The following SULF1 variants were observed in gnomAD, a reference collection of about 807,000 sequenced individuals.
SULF1 encodes the protein sulfatase 1, also known as extracellular sulfatase Sulf-1.
In SULF1, 46 loss-of-function variants were observed where a neutral mutation model predicts 110.5. That is an observed-to-expected ratio of 0.42 (90% confidence interval 0.33 to 0.53). The LOEUF (loss-of-function observed/expected upper bound fraction) is 0.53, where lower values mean the gene tolerates loss of function less well. SULF1 is among the 20% of genes least tolerant of loss of function. The probability of loss-of-function intolerance (pLI) is 0.12; values close to 1 mark genes in which losing one functional copy is unlikely to be tolerated. For synonymous variants in SULF1, 371 were observed against 387.1 expected, an observed-to-expected ratio of 0.96 and a Z score of 0.49; for missense variants, 941 against 1,094.2, an observed-to-expected ratio of 0.86 and a Z score of 1.98.
chr8:69,597,182 C>T (rs1807407091), intron 8 of SULF1: 1 of 152,196 alleles, frequency 6.6e-6, no homozygotes, highest in Non-Finnish European at 1.5e-5. Flanking sequence ...CTTTAATTAT[C>T]ACTGGGGAAC....
intron 18 of SULF1, among the ~76,000 whole-genome samples, chr8:69,628,556 CAG>C (rs1255745520): frequency 6.6e-6 from 1 of 152,190 alleles, no homozygotes; most frequent in Non-Finnish European, 1.5e-5. Context: ...TTGAGGGTTA[CAG>C]ACTCTCTCGA....
At chr8:69,529,096 A>G (rs1214238756) in intron 3 of SULF1, among the ~76,000 whole-genome samples, 1 of 152,168 alleles carries the variant, frequency 6.6e-6, no homozygotes, top group Admixed American at 6.5e-5. Flanking sequence ...CTCCAGCTTT[A>G]CTAATAAGGA....
At chr8:69,501,614 G>T (rs1810803091) in intron 2 of SULF1, among the ~76,000 whole-genome samples, 1 of 152,190 alleles carries the variant, frequency 6.6e-6, no homozygotes, top group South Asian at 2.1e-4. Flanking sequence ...GTCAAAGAAT[G>T]ATATGAAATG....
chr8:69,550,968 A>G (rs554843715), intron 3 of SULF1, among the ~76,000 whole-genome samples: 2 of 152,126 alleles, frequency 1.3e-5, no homozygotes, highest in Admixed American at 6.5e-5. Context: ...ACCTAATGTC[A>G]TGGTGTCTTT....
intron 3 of SULF1, among the ~76,000 whole-genome samples, chr8:69,507,625 C>G (rs1811287794): frequency 6.6e-6 from 1 of 152,106 alleles, no homozygotes; most frequent in Non-Finnish European, 1.5e-5. Flanking sequence ...AAGCCATTGG[C>G]TGAGGCCTTT....
intron 22 of SULF1, among the ~76,000 whole-genome samples, chr8:69,645,640 C>T (rs1049796891): frequency 1.6e-4 from 25 of 152,120 alleles, no homozygotes; most frequent in East Asian, 3.9e-4. Context: ...GCATTTATGC[C>T]GCATCCTGAA....
chr8:69,565,597 G>A (rs1815821805), intron 5 of SULF1, among the ~76,000 whole-genome samples: 1 of 151,994 alleles, frequency 6.6e-6, no homozygotes, highest in Non-Finnish European at 1.5e-5. Flanking sequence ...TCCCTCACCG[G>A]TTTGTCACCT....
intron 13 of SULF1, among the ~76,000 whole-genome samples, chr8:69,619,101 C>T (rs994091048): frequency 6.6e-6 from 1 of 151,924 alleles, no homozygotes; most frequent in African/African-American, 2.4e-5. Context: ...TGAAAATATA[C>T]GTGGCACAAA....
rs555573346 is a variant in SULF1, at chr8:69,659,582, T to G, written c.*1047T>G. 20 of 239,300 alleles carry G rather than the reference T, an allele frequency of 8.4e-5. No homozygotes were observed. The highest frequency in any genetic ancestry group is 1.6e-4 in the Non-Finnish European group (19 of 120,698). The allele number at this position is 239,300 out of a possible 1,614,324, so 14.8% of individuals were successfully genotyped here. ...TTTTGCTTGTTTGTTTGTTTTGTAC[T>G]AAAACAGTATTATCTTTTGAATATC... is the stretch of plus-strand genomic sequence containing the variant. On this transcript the variant is annotated 3_prime_UTR_variant, in exon 23 of 23. Coordinates refer to ENST00000402687, the MANE Select transcript of SULF1 (RefSeq NM_001128205.2).
chr8:69,583,465 T>C (rs1806227898), intron 6 of SULF1, among the ~76,000 whole-genome samples: 1 of 151,204 alleles, frequency 6.6e-6, no homozygotes, highest in African/African-American at 2.4e-5. Context: ...TCCCAGCTAC[T>C]TGGGAGTCTG....
intron 14 of SULF1, among the ~76,000 whole-genome samples, chr8:69,622,616 C>T (rs1809704399): frequency 6.6e-6 from 1 of 151,960 alleles, no homozygotes; most frequent in South Asian, 2.1e-4. Context: ...GGGACGAGGA[C>T]CCCAGCATGC....
chr8:69,566,632 C>T (rs1465188565), intron 5 of SULF1, among the ~76,000 whole-genome samples: 1 of 152,162 alleles, frequency 6.6e-6, no homozygotes, highest in Non-Finnish European at 1.5e-5. Context: ...AGGCGGATCA[C>T]CTGAGGTCAG....
chr8:69,500,798 G>A (rs959488120), intron 2 of SULF1, among the ~76,000 whole-genome samples: 7 of 152,260 alleles, frequency 4.6e-5, no homozygotes, highest in African/African-American at 1.7e-4. Flanking sequence ...TAAAACTAGC[G>A]GCGGCGGAGT....
chr8:69,568,417 A>G (rs1000055748), intron 5 of SULF1, among the ~76,000 whole-genome samples: 6 of 152,234 alleles, frequency 3.9e-5, no homozygotes, highest in African/African-American at 1.2e-4. Context: ...CAGGACAAAT[A>G]AACTATTACT....
chr8:69,520,214 TCA>T (rs1812205693), intron 3 of SULF1, among the ~76,000 whole-genome samples: 1 of 151,672 alleles, frequency 6.6e-6, no homozygotes, highest in African/African-American at 2.4e-5. Flanking sequence ...TTATTATCAA[TCA>T]CACAGTCTTT....
At chr8:69,549,028 C>G (rs887015016) in intron 3 of SULF1, among the ~76,000 whole-genome samples, 6 of 152,212 alleles carry the variant, frequency 3.9e-5, no homozygotes, top group African/African-American at 1.4e-4. Flanking sequence ...GGGCTCGACC[C>G]TATGGCTTGC....
intron 22 of SULF1, among the ~76,000 whole-genome samples, chr8:69,643,219 T>G (rs1811623717): frequency 1.3e-5 from 2 of 152,338 alleles, no homozygotes; most frequent in Admixed American, 6.5e-5. Context: ...CCAAATGCAG[T>G]GTTTGATGTG....
At chr8:69,596,001 A>G (rs1439996278) in intron 8 of SULF1, among the ~76,000 whole-genome samples, 1 of 152,216 alleles carries the variant, frequency 6.6e-6, no homozygotes, top group Admixed American at 6.5e-5. Context: ...CAATACCGGA[A>G]AGAAAATCAA....
At chr8:69,614,095 GTAA>G (rs144856244) in intron 13 of SULF1, among the ~76,000 whole-genome samples, 3,394 of 151,864 alleles carry the variant, frequency 0.022, 123 homozygotes, top group African/African-American at 0.078. Flanking sequence ...GTGTATGTAT[GTAA>G]TAATAATAAT....
Sources: gnomAD v4.1 joint callset for allele counts (sites outside exome capture counted in the v4.1 genomes callset) on GRCh38, gnomAD v4.1.1 for gene constraint, MANE v1.5 for transcripts, NCBI Gene and HGNC (gene_info 2026-07-23, HGNC 2026-07-21) for gene names.